CDH12: variants seen among roughly 807,000 people sequenced by gnomAD.
The protein encoded by CDH12 is cadherin-12.
In CDH12, 41 loss-of-function variants were observed where a neutral mutation model predicts 74.1. The observed-to-expected ratio is 0.55, with a 90% CI of 0.43 to 0.72. The LOEUF is 0.72. CDH12 is among the 30% of genes least tolerant of loss of function. The pLI, the probability that CDH12 is intolerant of heterozygous loss-of-function variation, is 0.00. For missense variants in CDH12, 945 were observed against 977.2 expected (o/e 0.97, Z 0.44); for synonymous variants, 399 against 355.0 (o/e 1.12, Z -1.39).
rs1302925775 is a variant in CDH12, at chr5:22,759,804, C to T, written c.-523+93254G>A. 2.0e-5 allele frequency among the ~76,000 whole-genome samples: 3 copies of T among 152,050 alleles called. No homozygotes were observed. The East Asian group carries it at 5.8e-4, about 29-fold the overall frequency. ...ATTTATTTTAAGAAGTTGGCTCATGCAGTTGTGGATGCTGGATAGTCCGAA... is the reference window on the plus strand; with the variant it reads ...ATTTATTTTAAGAAGTTGGCTCATGTAGTTGTGGATGCTGGATAGTCCGAA... On this transcript the variant is annotated intron_variant, in intron 1 of 14. Coordinates refer to ENST00000382254, the MANE Select transcript of CDH12 (RefSeq NM_004061.5).
chr5:22,240,515 A>G (rs1284779805), intron 3 of CDH12, among the ~76,000 whole-genome samples: 1 of 152,176 alleles, frequency 6.6e-6, no homozygotes, highest in Admixed American at 6.6e-5. Context: ...AGGACGGGCA[A>G]AAGAATACTT....
intron 2 of CDH12, among the ~76,000 whole-genome samples, chr5:22,407,171 C>T (rs1340874615): frequency 2.6e-5 from 4 of 152,000 alleles, no homozygotes; most frequent in Non-Finnish European, 1.5e-5. Flanking sequence ...TTGAAGGTGC[C>T]ATTGACATCT....
chr5:22,174,038 G>T (rs777543483), intron 4 of CDH12, among the ~76,000 whole-genome samples: 1 of 151,854 alleles, frequency 6.6e-6, no homozygotes, highest in Non-Finnish European at 1.5e-5. Context: ...GATTTGTAAC[G>T]CATGCAATGC....
At chr5:22,776,774 G>T (rs955790761) in intron 1 of CDH12, among the ~76,000 whole-genome samples, 1 of 152,100 alleles carries the variant, frequency 6.6e-6, no homozygotes, top group East Asian at 1.9e-4. Flanking sequence ...TGTCAGAATG[G>T]TTCTTTCTTT....
intron 1 of CDH12, among the ~76,000 whole-genome samples, chr5:22,723,131 G>A (rs1004658496): frequency 6.6e-6 from 1 of 152,098 alleles, no homozygotes; most frequent in Non-Finnish European, 1.5e-5. Context: ...GGGTTATAAG[G>A]CTTTCATTTT....
At chr5:22,347,630 T>G (rs74974102) in intron 3 of CDH12, among the ~76,000 whole-genome samples, 3,851 of 152,244 alleles carry the variant, frequency 0.025, 104 homozygotes, top group East Asian at 0.11. Context: ...CATCTATCCT[T>G]TAAGTTCTGT....
rs965364731 is a variant in CDH12, at chr5:22,357,736, A to G, written c.-333+47521T>C. Among the ~76,000 whole-genome samples, 7 of 152,144 alleles carry G rather than the reference A, an allele frequency of 4.6e-5. No individual in the cohort carries two copies. In the South Asian group the frequency reaches 1.4e-3, roughly 31 times the overall value. On this transcript the variant is annotated intron_variant, in intron 3 of 14. Coordinates refer to ENST00000382254, the MANE Select transcript of CDH12 (RefSeq NM_004061.5). ...CAAATTGATCAGATTTTTCCCAAAA[A>G]AATGATCAATTTTTCCCTCAGGTGG...
At chr5:21,919,399 T>C (rs6452032) in intron 6 of CDH12, among the ~76,000 whole-genome samples, 113,254 of 151,860 alleles carry the variant, frequency 0.75, 44,583 homozygotes, top group East Asian at 0.93. Context: ...TTTCCTTTAC[T>C]CTTTAGGAAA....
intron 3 of CDH12, among the ~76,000 whole-genome samples, chr5:22,215,632 T>A (rs184260487): frequency 6.6e-6 from 1 of 152,246 alleles, no homozygotes; most frequent in East Asian, 1.9e-4. Context: ...TAAACGAATA[T>A]CTCAAGAACA....
chr5:21,811,054 A>T (rs996319567), intron 9 of CDH12, among the ~76,000 whole-genome samples: 8 of 152,156 alleles, frequency 5.3e-5, no homozygotes, highest in African/African-American at 1.7e-4. Context: ...TGTGAAGAGT[A>T]ATATCATTTA....
intron 3 of CDH12, among the ~76,000 whole-genome samples, chr5:22,348,008 A>G (rs188981557): frequency 1.1e-3 from 170 of 152,278 alleles, no homozygotes; most frequent in Middle Eastern, 6.8e-3. Context: ...AGGACGGTTC[A>G]CCTTCCAACA....
At chr5:22,019,624 T>C (rs1442847832) in intron 5 of CDH12, among the ~76,000 whole-genome samples, 1 of 152,140 alleles carries the variant, frequency 6.6e-6, no homozygotes, top group Non-Finnish European at 1.5e-5. Flanking sequence ...AAAAGGGCCC[T>C]CGCCATGAAC....
intron 8 of CDH12, among the ~76,000 whole-genome samples, 160 bp from the exon 9 acceptor site, chr5:21,817,292 A>C (rs562250740): frequency 6.6e-6 from 1 of 152,294 alleles, no homozygotes; most frequent in East Asian, 1.9e-4. Flanking sequence ...GATTATGATT[A>C]GGAGTAATAA....
intron 4 of CDH12, among the ~76,000 whole-genome samples, chr5:22,181,182 T>C (rs9986207): frequency 0.069 from 10,535 of 152,216 alleles, 480 homozygotes; most frequent in African/African-American, 0.14. Flanking sequence ...CTAATTTCCC[T>C]TCAAATTCCT....
chr5:22,511,535 C>T (rs1736608990), intron 1 of CDH12, among the ~76,000 whole-genome samples: 1 of 152,124 alleles, frequency 6.6e-6, no homozygotes, highest in Non-Finnish European at 1.5e-5. Flanking sequence ...CATAATTTCT[C>T]ATTGAATTAG....
At chr5:22,016,638 A>G (rs9784717) in intron 5 of CDH12, among the ~76,000 whole-genome samples, 53,416 of 151,812 alleles carry the variant, frequency 0.35, 12,299 homozygotes, top group African/African-American at 0.66. Context: ...TGCCCTCCTC[A>G]GCCTCCCAAA....
chr5:22,831,322 G>A (rs1436277262), intron 1 of CDH12, among the ~76,000 whole-genome samples: 1 of 151,394 alleles, frequency 6.6e-6, no homozygotes, highest in East Asian at 1.9e-4. Flanking sequence ...TGAAATAGGA[G>A]AGACAAAGGA....
Position 22,490,372 on chromosome 5 carries a change from G to A in CDH12, c.-428+14898C>T, listed in dbSNP as rs546719376. 7.9e-5 allele frequency among the ~76,000 whole-genome samples: 12 copies of A among 152,134 alleles called. No homozygotes were observed. The South Asian group carries it at 2.5e-3, about 32-fold the overall frequency. On this transcript the variant is annotated intron_variant, in intron 2 of 14. Coordinates refer to ENST00000382254, the MANE Select transcript of CDH12 (RefSeq NM_004061.5). ...TTGCTACCCTGATTCCAAGAAATCC[G>A]TTTTATCTAGATGTTATAGAGTTCT...
intron 6 of CDH12, among the ~76,000 whole-genome samples, chr5:21,909,881 C>G (rs1321629994): frequency 6.6e-6 from 1 of 152,140 alleles, no homozygotes; most frequent in Non-Finnish European, 1.5e-5. Flanking sequence ...CTGAAACCTA[C>G]AAACCAATAT....
Sources: gnomAD v4.1 joint callset for allele counts (sites outside exome capture counted in the v4.1 genomes callset) on GRCh38, gnomAD v4.1.1 for gene constraint, MANE v1.5 for transcripts, NCBI Gene and HGNC (gene_info 2026-07-23, HGNC 2026-07-21) for gene names.